ZFAND3: variants seen among roughly 807,000 people sequenced by gnomAD.
ZFAND3 encodes the protein zinc finger AN1-type containing 3.
A neutral mutation model predicts 29.6 loss-of-function variants in ZFAND3; 10 were observed. The observed-to-expected ratio is 0.34, with a 90% CI of 0.21 to 0.57. The LOEUF (loss-of-function observed/expected upper bound fraction) is 0.57. ZFAND3 is among the 20% of genes least tolerant of loss of function. ZFAND3 has a pLI of 0.86. For missense variants in ZFAND3, 230 were observed against 304.5 expected (o/e 0.76, Z 1.82); for synonymous variants, 128 against 112.6 (o/e 1.14, Z -0.87).
Position 37,949,374 on chromosome 6 carries a change from A to G in ZFAND3, c.112+19375A>G, listed in dbSNP as rs1030744019. 2.6e-5 allele frequency among the ~76,000 whole-genome samples: 4 copies of G among 152,096 alleles called. 1 individual carries two copies. Among genetic ancestry groups the G allele is most frequent in the African/African-American group, 9.7e-5 (4 of 41,408 alleles). ...TGTTTTTCCTCTACTCTCACACCACAGCAGTCATTTATGCAAAGAAAACTC... is the reference window on the plus strand; with the variant it reads ...TGTTTTTCCTCTACTCTCACACCACGGCAGTCATTTATGCAAAGAAAACTC... On this transcript the variant is annotated intron_variant, in intron 2 of 5. Transcript: ENST00000287218.
chr6:37,948,237 T>C (rs961943001), intron 2 of ZFAND3, among the ~76,000 whole-genome samples: 15 of 152,214 alleles, frequency 9.9e-5, no homozygotes, highest in Admixed American at 9.2e-4. Flanking sequence ...TTTTTTCTTA[T>C]ATTTGTATCA....
At position 38,135,748 on chromosome 6, in the gene ZFAND3, T is replaced by TA. The variant is rs894293277; in HGVS notation, c.530-16477dup. On this transcript the variant is annotated intron_variant, in intron 5 of 5. Coordinates refer to ENST00000287218, the MANE Select transcript of ZFAND3 (RefSeq NM_021943.3). ...CAACAGAGCAAGACTCCATCTCAAT[T>TA]AAAAAAAAAACAAACAAAAAAAACA... Among the ~76,000 whole-genome samples the TA allele has an allele frequency of 1.1e-3, 159 of 145,368 alleles. 1 individual carries two copies. Among genetic ancestry groups the TA allele is most frequent in the East Asian group, 4.4e-3 (22 of 4,970 alleles).
chr6:38,111,301 G>T (rs886811860), intron 4 of ZFAND3, among the ~76,000 whole-genome samples: 11 of 152,184 alleles, frequency 7.2e-5, no homozygotes, highest in African/African-American at 2.7e-4. Flanking sequence ...GGAAAAAATG[G>T]ATGATTGTGT....
At chr6:37,875,954 G>T (rs1764786382) in intron 1 of ZFAND3, among the ~76,000 whole-genome samples, 1 of 151,950 alleles carries the variant, frequency 6.6e-6, no homozygotes, top group Non-Finnish European at 1.5e-5. Context: ...TACAGGCCCA[G>T]CAGTAATTTG....
At chr6:37,991,391 C>G (rs1295497015) in intron 2 of ZFAND3, among the ~76,000 whole-genome samples, 1 of 151,760 alleles carries the variant, frequency 6.6e-6, no homozygotes, top group Non-Finnish European at 1.5e-5. Context: ...TTCACTCTGT[C>G]ACCCAGACTG....
At chr6:38,015,644 TAAA>T (rs1763240751) in intron 2 of ZFAND3, among the ~76,000 whole-genome samples, 1 of 152,204 alleles carries the variant, frequency 6.6e-6, no homozygotes, top group Admixed American at 6.5e-5. Flanking sequence ...ATGGTTGAAT[TAAA>T]AAACAAGTTT....
intron 1 of ZFAND3, among the ~76,000 whole-genome samples, chr6:37,847,652 A>G (rs1161442183): frequency 6.6e-6 from 1 of 152,202 alleles, no homozygotes; most frequent in Non-Finnish European, 1.5e-5. Context: ...AATATGATAC[A>G]TAATTGGTAC....
At chr6:37,877,893 G>A (rs750556250) in intron 1 of ZFAND3, among the ~76,000 whole-genome samples, 2 of 152,196 alleles carry the variant, frequency 1.3e-5, no homozygotes, top group Non-Finnish European at 2.9e-5. Context: ...ACGCTGGAAG[G>A]TTTTAAGCAG....
At chr6:37,909,620 CTTT>C (rs34105026) in intron 1 of ZFAND3, among the ~76,000 whole-genome samples, 118 of 122,910 alleles carry the variant, frequency 9.6e-4, no homozygotes, top group African/African-American at 2.5e-3. Context: ...GTTCAGAATT[CTTT>C]TTTTTTTTTT....
intron 1 of ZFAND3, among the ~76,000 whole-genome samples, chr6:37,871,182 C>T (rs915246315): frequency 6.6e-6 from 1 of 152,116 alleles, no homozygotes; most frequent in Non-Finnish European, 1.5e-5. Flanking sequence ...TATTTTTTCC[C>T]TCTGTGTTGT....
chr6:38,072,167 TGTCTC>T (rs1764469042), intron 3 of ZFAND3, among the ~76,000 whole-genome samples: 1 of 152,160 alleles, frequency 6.6e-6, no homozygotes, highest in Admixed American at 6.5e-5. Flanking sequence ...TCTCTGTCTC[TGTCTC>T]TGTCTTCAGT....
At chr6:38,061,942 C>G (rs1335775950) in intron 3 of ZFAND3, among the ~76,000 whole-genome samples, 167 bp downstream of exon 3, 1 of 152,186 alleles carries the variant, frequency 6.6e-6, no homozygotes, top group Non-Finnish European at 1.5e-5. Flanking sequence ...TTCAGCCATT[C>G]CTGAAGAAAT....
intron 1 of ZFAND3, among the ~76,000 whole-genome samples, chr6:37,846,499 A>C (rs1293428609): frequency 6.6e-6 from 1 of 152,154 alleles, no homozygotes; most frequent in Non-Finnish European, 1.5e-5. Context: ...ATGGCAGCTG[A>C]TATTTCTGTA....
intron 2 of ZFAND3, among the ~76,000 whole-genome samples, chr6:37,964,427 G>C (rs1011370611): frequency 6.6e-6 from 1 of 152,182 alleles, no homozygotes; most frequent in Non-Finnish European, 1.5e-5. Flanking sequence ...TATTGGGCTG[G>C]GCCATCTTTG....
intron 1 of ZFAND3, among the ~76,000 whole-genome samples, chr6:37,883,191 A>G (rs771207932): frequency 4.6e-5 from 7 of 152,192 alleles, no homozygotes; most frequent in Non-Finnish European, 7.3e-5. Flanking sequence ...CCACTGCTCT[A>G]CAGCCTGGGT....
chr6:37,849,246 C>A (rs983316708), intron 1 of ZFAND3, among the ~76,000 whole-genome samples: 1 of 152,004 alleles, frequency 6.6e-6, no homozygotes, highest in Admixed American at 6.6e-5. Flanking sequence ...CGAGAGCTCC[C>A]CTTTTAGAGT....
At chr6:38,083,850 C>G (rs1322532402) in intron 4 of ZFAND3, among the ~76,000 whole-genome samples, 6 of 152,090 alleles carry the variant, frequency 3.9e-5, no homozygotes, top group Admixed American at 3.9e-4. Flanking sequence ...CTGTTTCCTC[C>G]TCTCTGATCC....
At chr6:37,829,780 G>A (rs967029424) in intron 1 of ZFAND3, among the ~76,000 whole-genome samples, 1 of 152,132 alleles carries the variant, frequency 6.6e-6, no homozygotes, top group African/African-American at 2.4e-5. Context: ...CATTTTATTT[G>A]TAAGGCTGAT....
chr6:38,061,960 T>C (rs1249380508), intron 3 of ZFAND3, among the ~76,000 whole-genome samples, 185 bp downstream of exon 3: 1 of 152,260 alleles, frequency 6.6e-6, no homozygotes, highest in Non-Finnish European at 1.5e-5. Context: ...AATAGCCTTT[T>C]ATACCGTCAA....
Sources: gnomAD v4.1 joint callset for allele counts (sites outside exome capture counted in the v4.1 genomes callset) on GRCh38, gnomAD v4.1.1 for gene constraint, MANE v1.5 for transcripts, NCBI Gene and HGNC (gene_info 2026-07-23, HGNC 2026-07-21) for gene names.